The following IRAG1 variants were observed in gnomAD, a reference collection of about 807,000 sequenced individuals.
IRAG1 encodes the protein inositol 1,4,5-triphosphate receptor associated 1.
A neutral mutation model predicts 106.2 loss-of-function variants in IRAG1; 62 were observed. That is an observed-to-expected ratio of 0.58 (90% confidence interval 0.48 to 0.72). The LOEUF is 0.72. Among genes scored for constraint, IRAG1 ranks in the 30% least tolerant of loss-of-function variants. The pLI, the probability that IRAG1 is intolerant of heterozygous loss-of-function variation, is 0.00. For synonymous variants in IRAG1, 462 were observed against 443.9 expected (o/e 1.04, Z -0.51); for missense variants, 1,064 against 1,140.7 (o/e 0.93, Z 0.97).
In IRAG1 at chr11:10,628,102, C is replaced by G. The variant is rs1209230904; in HGVS notation, c.653-77G>C. On this transcript the variant is annotated intron_variant, in intron 6 of 20. Transcript: ENST00000423302. The surrounding 1 kb of genome is among the most constrained non-coding windows in gnomAD (Gnocchi z 4.1). ...CTGTGCTTTCAGCCACATCTCCCTC[C>G]CCGGGCTATCCTCCCTTTGCAATCT... 1 of 1,481,100 alleles carries G rather than the reference C, an allele frequency of 6.8e-7. No homozygotes were observed. The highest frequency in any genetic ancestry group is 9.3e-7 in the Non-Finnish European group (1 of 1,069,944). The allele number at this position is 1,481,100 out of a possible 1,614,324, so 91.7% of individuals were successfully genotyped here.
chr11:10,687,797 G>T (rs1286392357), intron 1 of IRAG1: 1 of 1,289,052 alleles, frequency 7.8e-7, no homozygotes, highest in Non-Finnish European at 1.0e-6. Flanking sequence ...AACAGACAGG[G>T]GCTAGAAATA....
chr11:10,680,514 A>C (rs918691041), intron 1 of IRAG1, among the ~76,000 whole-genome samples: 14 of 132,726 alleles, frequency 1.1e-4, no homozygotes, highest in Non-Finnish European at 2.2e-4. Flanking sequence ...AAAGGGAAAA[A>C]GAAAGGAAGA....
At chr11:10,633,120 G>A (rs1386541359) in intron 3 of IRAG1, among the ~76,000 whole-genome samples, 3 of 144,770 alleles carry the variant, frequency 2.1e-5, no homozygotes, top group African/African-American at 2.6e-5. Flanking sequence ...TGTCGCCCAG[G>A]CTGGAGTGCA....
At chr11:10,600,258 T>C (rs1325855278) in intron 15 of IRAG1, among the ~76,000 whole-genome samples, 1 of 152,244 alleles carries the variant, frequency 6.6e-6, no homozygotes, top group Admixed American at 6.5e-5. Flanking sequence ...ATAGAACTTC[T>C]AAACAAGAGT....
At chr11:10,588,547 C>T (rs970319420) in intron 18 of IRAG1, among the ~76,000 whole-genome samples, 9 of 152,242 alleles carry the variant, frequency 5.9e-5, no homozygotes, top group Admixed American at 5.2e-4. Context: ...ATGGGGCTTT[C>T]GTTATATTGC....
intron 15 of IRAG1, among the ~76,000 whole-genome samples, chr11:10,594,623 A>G (rs1853070700): frequency 6.6e-6 from 1 of 152,236 alleles, no homozygotes; most frequent in South Asian, 2.1e-4. Context: ...ACTTGCTAAC[A>G]GAAGTAGTTT....
At chr11:10,585,645 TG>T (rs1472880376) in intron 18 of IRAG1, among the ~76,000 whole-genome samples, 3 of 131,596 alleles carry the variant, frequency 2.3e-5, no homozygotes, top group African/African-American at 8.5e-5. Flanking sequence ...AGAATGTGTA[TG>T]ATCTCGGGAC....
rs1862167816 is a variant in IRAG1, at chr11:10,692,855, C to T, written c.67+681G>A. On this transcript the variant is annotated intron_variant, in intron 1 of 20. Transcript: ENST00000423302. ...CCACTGGCTTTTCCTTTGGAAAAAG[C>T]CAGTTCAAATGGTGCTCACTCTAGG... Among the ~76,000 whole-genome samples the T allele has an allele frequency of 3.9e-5, 6 of 152,318 alleles. No individual in the cohort carries two copies. The South Asian group carries it at 1.2e-3, about 32-fold the overall frequency.
intron 9 of IRAG1, among the ~76,000 whole-genome samples, chr11:10,625,378 G>T (rs1004912055): frequency 6.6e-6 from 1 of 152,182 alleles, no homozygotes; most frequent in Admixed American, 6.5e-5. Context: ...CCTGCATAGG[G>T]TGGCAACCCC....
At chr11:10,690,018 A>C (rs1290294726) in intron 1 of IRAG1, among the ~76,000 whole-genome samples, 2 of 152,230 alleles carry the variant, frequency 1.3e-5, no homozygotes, top group African/African-American at 4.8e-5. Flanking sequence ...CAAATAAAAA[A>C]GTAATAGGAA....
At chr11:10,615,496 A>C (rs867226185) in intron 10 of IRAG1, among the ~76,000 whole-genome samples, 2 of 152,226 alleles carry the variant, frequency 1.3e-5, no homozygotes, top group African/African-American at 2.4e-5. Flanking sequence ...TGTTTATTGC[A>C]GCACTATTCA....
rs184309112 is a variant in IRAG1 at position 10,680,130 on chromosome 11, A to G, written c.67+13406T>C. On this transcript the variant is annotated intron_variant, in intron 1 of 20. Coordinates refer to ENST00000423302, the MANE Select transcript of IRAG1 (RefSeq NM_130385.4). ...TCTACTAAAAATACAAAAATTGGCC[A>G]GGCATGGTGGCGCATGCCTGTAATC... 7.7e-3 allele frequency among the ~76,000 whole-genome samples: 1,161 copies of G among 151,562 alleles called. 15 individuals carry two copies. The highest frequency in any genetic ancestry group is 0.027 in the African/African-American group (1,123 of 41,202).
intron 1 of IRAG1, among the ~76,000 whole-genome samples, chr11:10,688,058 T>C (rs1323208388): frequency 6.6e-6 from 1 of 150,674 alleles, no homozygotes; most frequent in African/African-American, 2.4e-5. Flanking sequence ...TTTGGGATGC[T>C]GAACTGGGTA....
intron 1 of IRAG1, among the ~76,000 whole-genome samples, chr11:10,664,789 G>A (rs1417476578): frequency 6.6e-6 from 1 of 152,212 alleles, no homozygotes; most frequent in African/African-American, 2.4e-5. Context: ...CTGCAGCCTT[G>A]AGTTCCAGAG....
rs201976412 is a variant in IRAG1, at chr11:10,600,997, C to G, written c.1938G>C (p.Thr646=). ...MMQYVENLKR[T]YEKDHAELME... is the part of the protein sequence containing the mutation. Reference sequence around the variant, plus strand: ...TGAGCTCCGCATGGTCCTTCTCATACGTCCTCTTTAGATTCTCCACATACT... The same window carrying G: ...TGAGCTCCGCATGGTCCTTCTCATAGGTCCTCTTTAGATTCTCCACATACT... The change falls in exon 15 of 21, where the codon ACG becomes ACC. Residue 646 remains threonine (T), a synonymous_variant. Coordinates refer to ENST00000423302, the MANE Select transcript of IRAG1 (RefSeq NM_130385.4). The G allele has an allele frequency of 7.4e-6, 12 of 1,614,084 alleles. No individual in the cohort carries two copies. The highest frequency in any genetic ancestry group is 9.3e-6 in the Non-Finnish European group (11 of 1,179,904).
intron 8 of IRAG1, 119 bp downstream of exon 8, chr11:10,627,597 C>G: frequency 9.5e-7 from 1 of 1,048,182 alleles, no homozygotes; most frequent in Non-Finnish European, 1.5e-6. Flanking sequence ...AGCCCTGACC[C>G]TCCACTCATA....
rs377255048 is a variant in IRAG1, at chr11:10,609,686, C to CGT, written c.1571+41_1571+42insAC. ...CCCACCTAGAATCCAACACAGGGGC[C>CGT]ACTCGGTACAGGGCCTTCTGTAACC... On this transcript the variant is annotated intron_variant, in intron 11 of 20. Transcript: ENST00000423302. 4 of 1,599,188 alleles carry CGT rather than the reference C, an allele frequency of 2.5e-6. No individual in the cohort carries two copies. In the African/African-American group the frequency reaches 5.4e-5, roughly 22 times the overall value.
intron 10 of IRAG1, among the ~76,000 whole-genome samples, chr11:10,613,349 A>G (rs528490476): frequency 6.6e-6 from 1 of 152,184 alleles, no homozygotes; most frequent in South Asian, 2.1e-4. Context: ...TTTCTCCATA[A>G]CTTTAAATAC....
chr11:10,638,603 T>C (rs1857304391), intron 2 of IRAG1, among the ~76,000 whole-genome samples: 1 of 152,272 alleles, frequency 6.6e-6, no homozygotes, highest in Non-Finnish European at 1.5e-5. Flanking sequence ...ATGTCTGTCA[T>C]ATTTAGAGAA....
Sources: allele counts gnomAD v4.1 joint callset (sites outside exome capture counted in the v4.1 genomes callset), GRCh38; gene constraint gnomAD v4.1.1; non-coding constraint Gnocchi (gnomAD v3.1); transcripts MANE v1.5; gene names NCBI Gene and HGNC (gene_info 2026-07-23, HGNC 2026-07-21).